The following CTSB variants were observed in gnomAD, a reference collection of about 807,000 sequenced individuals.
The protein encoded by CTSB is APP secretase.
In CTSB, 57 loss-of-function variants were observed where a neutral mutation model predicts 44.3. The observed-to-expected ratio is 1.29, with a 90% CI of 1.04 to 1.60. CTSB has a LOEUF of 1.60. Ranked by LOEUF, CTSB falls within the 40% of genes most tolerant of loss-of-function variation. The pLI is 0.00. For missense variants in CTSB, 768 were observed against 443.0 expected (o/e 1.73, Z -6.59); for synonymous variants, 320 against 168.0 (o/e 1.91, Z -7.00).
In CTSB at chr8:11,845,226, G is replaced by C; in HGVS notation, c.923-4C>G. The C allele has an allele frequency of 6.2e-7, 1 of 1,605,858 alleles. No individual in the cohort carries two copies. Among genetic ancestry groups the C allele is most frequent in the Non-Finnish European group, 8.5e-7 (1 of 1,172,676 alleles). On this transcript the variant is annotated splice_polypyrimidine_tract_variant and splice_region_variant and intron_variant, in intron 9 of 9. Coordinates refer to ENST00000353047, the MANE Select transcript of CTSB (RefSeq NM_001908.5). ...CCTCTGAGTATTTTAAAGAAGCCTG[G>C]GAATAAAAAGTAAGGTGCTTTTAAA...
intron 1 of CTSB, among the ~76,000 whole-genome samples, chr8:11,857,164 C>T (rs1267695927): frequency 6.6e-6 from 1 of 152,202 alleles, no homozygotes; most frequent in African/African-American, 2.4e-5. Context: ...GCTGGGATTA[C>T]AGGCCTGTGC....
At chr8:11,862,938 G>C (rs895537186) in intron 1 of CTSB, among the ~76,000 whole-genome samples, 6 of 152,314 alleles carry the variant, frequency 3.9e-5, no homozygotes, top group Admixed American at 1.3e-4. Flanking sequence ...CCAGACCAAA[G>C]AAGTTACTGG....
chr8:11,845,884 G>C (rs1813226779), intron 8 of CTSB, 95 bp from the exon 9 acceptor site: 2 of 1,421,672 alleles, frequency 1.4e-6, no homozygotes, highest in Non-Finnish European at 1.9e-6. Context: ...CCGGGAAGGA[G>C]AAACAGCTTC....
chr8:11,867,356 C>T (rs997552673), intron 1 of CTSB: 1 of 152,536 alleles, frequency 6.6e-6, no homozygotes, highest in African/African-American at 2.4e-5. Context: ...TCCAATCGCC[C>T]ATTCGCCTCT....
chr8:11,850,441 AG>A (rs370712009), intron 4 of CTSB, among the ~76,000 whole-genome samples: 13,110 of 61,424 alleles, frequency 0.21, 841 homozygotes, highest in Non-Finnish European at 0.31. Flanking sequence ...AAAAAAAAAA[AG>A]AAAGAAAAAG....
rs2130964252 is a variant in CTSB, at chr8:11,844,126, A to C, written c.*999T>G. 1 of 152,382 alleles carries C rather than the reference A, an allele frequency of 6.6e-6. No individual in the cohort carries two copies. The highest frequency in any genetic ancestry group is 1.9e-4 in the East Asian group (1 of 5,190). 9.4% of individuals were successfully genotyped at this position (152,382 alleles called of 1,614,324 possible). On this transcript the variant is annotated 3_prime_UTR_variant, in exon 10 of 10. Transcript: ENST00000353047. ...GCACTTACAGAGAAGGTTGACGAGGATGACAGGGAACTAATTGGGGGAGGG... is the reference window on the plus strand; with the variant it reads ...GCACTTACAGAGAAGGTTGACGAGGCTGACAGGGAACTAATTGGGGGAGGG...
rs368421624 is a variant in CTSB, at chr8:11,847,083, A to C, written c.762T>G (p.Ser254=). The C allele has an allele frequency of 1.3e-5, 21 of 1,612,112 alleles. No homozygotes were observed. In the East Asian group the frequency reaches 4.7e-4, roughly 36 times the overall value. The part of the protein sequence containing the change: ...YKNGPVEGAF[S]VYSDFLLYKS... ...TGTAGAGCAGGAAGTCCGAATACACAGAGAAAGCTCCCTCCACGGGGCCGT... is the reference window on the plus strand; with the variant it reads ...TGTAGAGCAGGAAGTCCGAATACACCGAGAAAGCTCCCTCCACGGGGCCGT... The change falls in exon 8 of 10, where the codon TCT becomes TCG. Residue 254 remains serine (S), a synonymous_variant. Coordinates refer to ENST00000353047, the MANE Select transcript of CTSB (RefSeq NM_001908.5).
chr8:11,856,072 G>A (rs1327141088), intron 1 of CTSB, among the ~76,000 whole-genome samples: 2 of 151,942 alleles, frequency 1.3e-5, no homozygotes, highest in Non-Finnish European at 1.5e-5. Context: ...TCAGGGAGGT[G>A]CAGATAAAAT....
At position 11,845,209 on chromosome 8, in the gene CTSB, T is replaced by C. The variant is rs1443431011; in HGVS notation, c.936A>G (p.Ile312Met). The C allele has an allele frequency of 6.2e-7, 1 of 1,613,204 alleles. No individual in the cohort carries two copies. Among genetic ancestry groups the C allele is most frequent in the African/African-American group, 1.3e-5 (1 of 75,020 alleles). Residue 312 changes from isoleucine to methionine, a missense_variant, in exon 10 of 10, where the codon ATA (isoleucine) becomes ATG (methionine). Physicochemically the swap from Ile to Met is conservative, Grantham distance 10 (BLOSUM62 1). Transcript: ENST00000353047. ...TDWGDNGFFK[I>M]LRGQDHCGIE... ...TTCCACAGTGATCCTGTCCTCTGAG[T>C]ATTTTAAAGAAGCCTGGGAATAAAA...
At position 11,844,341 on chromosome 8, in the gene CTSB, T is replaced by G. The variant is rs959986184; in HGVS notation, c.*784A>C. 3.9e-5 allele frequency: 6 copies of G among 152,200 alleles called. No individual in the cohort carries two copies. Among genetic ancestry groups the G allele is most frequent in the African/African-American group, 1.4e-4 (6 of 41,460 alleles). The allele number at this position is 152,200 out of a possible 1,614,324, so 9.4% of individuals were successfully genotyped here. ...ACTTCAAGTTGGAGAAAACTTTTATTGGCACAGGCATTCCTTGTTAACTTG... is the reference window on the plus strand; with the variant it reads ...ACTTCAAGTTGGAGAAAACTTTTATGGGCACAGGCATTCCTTGTTAACTTG... On this transcript the variant is annotated 3_prime_UTR_variant, in exon 10 of 10. Coordinates refer to ENST00000353047, the MANE Select transcript of CTSB (RefSeq NM_001908.5).
chr8:11,854,688 C>A (rs1815219212), intron 1 of CTSB: 1 of 152,192 alleles, frequency 6.6e-6, no homozygotes, highest in South Asian at 2.1e-4. Flanking sequence ...ACCATGTTAG[C>A]CAGGCTGGTC....
At position 11,847,690 on chromosome 8, in the gene CTSB, T is replaced by C. The variant is rs751827338; in HGVS notation, c.665A>G (p.Asp222Gly). ...EPGYSPTYKQDKHYGYNSYSV... is the reference protein window; with the variant it reads ...EPGYSPTYKQGKHYGYNSYSV... ...CCCAGGCCCCTTACCGTAGTGCTTG[T>C]CCTGTTTGTAGGTCGGGCTGTAGCC... Residue 222 changes from aspartate (D) to glycine (G), a missense_variant, in exon 7 of 10, where the codon GAC becomes GGC. Transcript: ENST00000353047. The C allele has an allele frequency of 6.4e-7, 1 of 1,569,288 alleles. No homozygotes were observed. The highest frequency in any genetic ancestry group is 8.6e-7 in the Non-Finnish European group (1 of 1,160,714).
intron 1 of CTSB, among the ~76,000 whole-genome samples, chr8:11,860,499 C>T (rs953140706): frequency 1.3e-5 from 2 of 152,100 alleles, no homozygotes; most frequent in African/African-American, 4.8e-5. Context: ...GGTTGTGCAC[C>T]TATAATCCCA....
intron 3 of CTSB, among the ~76,000 whole-genome samples, chr8:11,852,379 A>G (rs1814750218): frequency 6.6e-6 from 1 of 152,200 alleles, no homozygotes; most frequent in African/African-American, 2.4e-5. Context: ...AAAAACCAAA[A>G]AAAAGCACCA....
At chr8:11,845,950 G>C (rs1813243204) in intron 8 of CTSB, among the ~76,000 whole-genome samples, 161 bp from the exon 9 acceptor site, 1 of 152,090 alleles carries the variant, frequency 6.6e-6, no homozygotes, top group South Asian at 2.1e-4. Context: ...ACAATACTGG[G>C]GAATTAAATA....
At chr8:11,858,476 G>T (rs1815881852) in intron 1 of CTSB, among the ~76,000 whole-genome samples, 1 of 152,140 alleles carries the variant, frequency 6.6e-6, no homozygotes, top group South Asian at 2.1e-4. Flanking sequence ...TTTTTGTAGA[G>T]ATGGGGTTTT....
chr8:11,853,564 G>C (rs1044215008), intron 1 of CTSB, 85 bp from the exon 2 acceptor site: 61 of 1,376,550 alleles, frequency 4.4e-5, no homozygotes, highest in Non-Finnish European at 4.9e-5. Flanking sequence ...TCGGGCATCA[G>C]TGGGGACCCC....
rs1338822915 is a variant in CTSB, at chr8:11,844,257, G to A, written c.*868C>T. ...ACGTGATTCTCTGCAGGGACAAAGAGAGACAGCAGCTACAAGTCTATAGGC... is the reference window on the plus strand; with the variant it reads ...ACGTGATTCTCTGCAGGGACAAAGAAAGACAGCAGCTACAAGTCTATAGGC... On this transcript the variant is annotated 3_prime_UTR_variant, in exon 10 of 10. Transcript: ENST00000353047. The A allele has an allele frequency of 6.6e-6, 1 of 152,246 alleles. No homozygotes were observed. The highest frequency in any genetic ancestry group is 2.4e-5 in the African/African-American group (1 of 41,454). The allele number at this position is 152,246 out of a possible 1,614,324, so 9.4% of individuals were successfully genotyped here.
chr8:11,862,774 G>A (rs181325766), intron 1 of CTSB, among the ~76,000 whole-genome samples: 1 of 152,394 alleles, frequency 6.6e-6, no homozygotes, highest in Admixed American at 6.5e-5. Flanking sequence ...CAGCACGTCA[G>A]AGGGTCATGA....
Sources: gnomAD v4.1 joint callset for allele counts (sites outside exome capture counted in the v4.1 genomes callset) on GRCh38, gnomAD v4.1.1 for gene constraint, MANE v1.5 for transcripts, NCBI Gene and HGNC (gene_info 2026-07-23, HGNC 2026-07-21) for gene names.